ATP9A: variants seen among roughly 807,000 people sequenced by gnomAD.
ATP9A encodes probable phospholipid-transporting ATPase IIA.
ATP9A carries 52 observed loss-of-function variants against 144.1 expected under a neutral mutation model. The observed-to-expected ratio is 0.36, with a 90% confidence interval of 0.29 to 0.45. The LOEUF (loss-of-function observed/expected upper bound fraction) is 0.45, where lower values mean the gene tolerates loss of function less well. Ranked by LOEUF, ATP9A falls within the 20% of genes least tolerant of loss-of-function variation. The pLI is 1.00. For missense variants in ATP9A, 947 were observed against 1,392.7 expected (o/e 0.68, Z 5.09); for synonymous variants, 582 against 557.4 (o/e 1.04, Z -0.62).
intron 15 of ATP9A, among the ~76,000 whole-genome samples, chr20:51,638,105 A>C (rs1473547576): frequency 1.3e-5 from 1 of 76,794 alleles, no homozygotes; most frequent in African/African-American, 5.5e-5. Context: ...ATATATATAT[A>C]TATATATATA....
chr20:51,655,888 A>G lies in ATP9A; in HGVS notation c.1506+1050T>C, dbSNP rs1049219749. Among the ~76,000 whole-genome samples, 12 of 152,306 alleles carry G rather than the reference A, an allele frequency of 7.9e-5. 1 individual carries two copies. The East Asian group carries it at 2.3e-3, about 29-fold the overall frequency. ...AAAAAAAAAAATCCAAATGTGCATT[A>G]ATTGATGAATGGATAAATAAAATGT... On this transcript the variant is annotated intron_variant, in intron 14 of 27. Transcript: ENST00000338821.
chr20:51,705,837 A>G (rs1252786205), intron 4 of ATP9A, among the ~76,000 whole-genome samples: 1 of 152,202 alleles, frequency 6.6e-6, no homozygotes, highest in Non-Finnish European at 1.5e-5. Context: ...CTCTTGAGTA[A>G]CAAAACTAAG....
rs757692577 is a variant in ATP9A at position 51,728,172 on chromosome 20, G to A, written c.213+1662C>T. ...CCTCTTGAGCCACTCTGGTGACTTT[G>A]GTGGCCACATAGTCCAGGTGCCATA... On this transcript the variant is annotated intron_variant, in intron 2 of 27. Coordinates refer to ENST00000338821, the MANE Select transcript of ATP9A (RefSeq NM_006045.3). 2.0e-5 allele frequency among the ~76,000 whole-genome samples: 3 copies of A among 152,140 alleles called. No individual in the cohort carries two copies. In the South Asian group the frequency reaches 6.2e-4, roughly 32 times the overall value.
intron 4 of ATP9A, among the ~76,000 whole-genome samples, chr20:51,710,546 CTA>C (rs2077633693): frequency 1.3e-5 from 2 of 152,168 alleles, no homozygotes; most frequent in African/African-American, 4.8e-5. Flanking sequence ...TATCAAATAA[CTA>C]AACTCGCCTC....
Position 51,683,551 on chromosome 20 carries a change from G to A in ATP9A, c.799+5513C>T, listed in dbSNP as rs2077509738. On this transcript the variant is annotated intron_variant, in intron 9 of 27. Coordinates refer to ENST00000338821, the MANE Select transcript of ATP9A (RefSeq NM_006045.3). ...CCCGCCTCAGCCTCCCAAAGTGCTG[G>A]GATTATAGGCGTGAGCCACCTCACC... Among the ~76,000 whole-genome samples the A allele has an allele frequency of 2.6e-5, 4 of 152,078 alleles. No homozygotes were observed. In the South Asian group the frequency reaches 6.2e-4, roughly 24 times the overall value.
At chr20:51,641,652 T>TA (rs1220469222) in intron 14 of ATP9A, among the ~76,000 whole-genome samples, 1 of 149,916 alleles carries the variant, frequency 6.7e-6, no homozygotes, top group Non-Finnish European at 1.5e-5. Flanking sequence ...CCATCTCTAC[T>TA]AAAAAAATAA....
At chr20:51,639,907 G>A (rs2077311514) in intron 14 of ATP9A, among the ~76,000 whole-genome samples, 1 of 152,102 alleles carries the variant, frequency 6.6e-6, no homozygotes, top group Admixed American at 6.6e-5. Context: ...CCAATATGGT[G>A]AAACCCCGTC....
intron 13 of ATP9A, among the ~76,000 whole-genome samples, chr20:51,666,628 C>T (rs533626403): frequency 3.3e-5 from 5 of 150,140 alleles, no homozygotes; most frequent in South Asian, 2.1e-4. Context: ...TGCAGTGAGC[C>T]GAGATCGCAC....
At chr20:51,648,245 C>T (rs1279840220) in intron 14 of ATP9A, among the ~76,000 whole-genome samples, 2 of 152,196 alleles carry the variant, frequency 1.3e-5, no homozygotes, top group Non-Finnish European at 2.9e-5. Flanking sequence ...ACCAACCAAC[C>T]TCGTAGCCGC....
chr20:51,768,290 AG>A lies in ATP9A; in HGVS notation c.68+11del. ...CGCGGACAAAGGAAAACACGGGCCC[AG>A]GCCCACTCACCCGGCGCGGGGCCTG... On this transcript the variant is annotated intron_variant, in intron 1 of 27. Transcript: ENST00000338821. 1 of 1,279,644 alleles carries A rather than the reference AG, an allele frequency of 7.8e-7. No individual in the cohort carries two copies. The highest frequency in any genetic ancestry group is 1.0e-6 in the Non-Finnish European group (1 of 1,004,686). 79.3% of individuals were successfully genotyped at this position (1,279,644 alleles called of 1,614,324 possible). A position where few individuals can be genotyped will look rare whatever the true frequency, so the allele number is the denominator to read the frequency against.
intron 1 of ATP9A, among the ~76,000 whole-genome samples, chr20:51,732,777 C>G (rs890150520): frequency 3.0e-4 from 46 of 151,830 alleles, no homozygotes; most frequent in Non-Finnish European, 4.0e-4. Context: ...TCACTGAATA[C>G]ATTTTGAATG....
intron 1 of ATP9A, among the ~76,000 whole-genome samples, chr20:51,761,832 G>A (rs560385819): frequency 1.6e-4 from 24 of 152,162 alleles, no homozygotes; most frequent in African/African-American, 5.5e-4. Context: ...AGTTAGGTCC[G>A]AAGTCCAAAA....
At chr20:51,618,320 G>A (rs1044068302) in intron 21 of ATP9A, among the ~76,000 whole-genome samples, 10 of 152,024 alleles carry the variant, frequency 6.6e-5, no homozygotes, top group African/African-American at 2.4e-4. Flanking sequence ...AGGCTCAGAT[G>A]GGTGAAAGAA....
intron 8 of ATP9A, among the ~76,000 whole-genome samples, chr20:51,690,255 C>A (rs2077542247): frequency 6.6e-6 from 1 of 151,512 alleles, no homozygotes; most frequent in South Asian, 2.1e-4. Flanking sequence ...CCCGTCTCTA[C>A]TAAAAATACA....
In ATP9A at chr20:51,601,020, T is replaced by A; in HGVS notation, c.*191A>T. ...AGGGGTTCAGACAGGCCCAGATGGG[T>A]CTCTTTCAGGACCCTCCCTCCCGTT... On this transcript the variant is annotated 3_prime_UTR_variant, in exon 28 of 28. Transcript: ENST00000338821. 1 of 561,374 alleles carries A rather than the reference T, an allele frequency of 1.8e-6. No homozygotes were observed. Among genetic ancestry groups the A allele is most frequent in the Non-Finnish European group, 2.9e-6 (1 of 350,760 alleles). 34.8% of individuals were successfully genotyped at this position (561,374 alleles called of 1,614,324 possible). A position where few individuals can be genotyped will look rare whatever the true frequency, so the allele number is the denominator to read the frequency against.
intron 1 of ATP9A, among the ~76,000 whole-genome samples, chr20:51,748,908 T>TAGAC (rs2077819352): frequency 1.6e-4 from 17 of 109,200 alleles, no homozygotes; most frequent in African/African-American, 5.0e-4. Context: ...CTCTAAAGAT[T>TAGAC]AGATAGATAG....
intron 3 of ATP9A, 93 bp downstream of exon 3, chr20:51,725,726 C>T: frequency 1.2e-6 from 1 of 861,170 alleles, no homozygotes; most frequent in Middle Eastern, 2.3e-4. Flanking sequence ...TACAAGGCCA[C>T]CATCCCATTC....
At chr20:51,648,507 G>A (rs1446305019) in intron 14 of ATP9A, among the ~76,000 whole-genome samples, 1 of 152,184 alleles carries the variant, frequency 6.6e-6, no homozygotes, top group Non-Finnish European at 1.5e-5. Context: ...TGTGGTGTAC[G>A]TACGCAGAAG....
At chr20:51,653,008 A>G (rs1187822416) in intron 14 of ATP9A, among the ~76,000 whole-genome samples, 1 of 151,340 alleles carries the variant, frequency 6.6e-6, no homozygotes, top group Non-Finnish European at 1.5e-5. Context: ...TGCTGGGGAG[A>G]CTGAGGCAGA....
Sources: allele counts gnomAD v4.1 joint callset (sites outside exome capture counted in the v4.1 genomes callset), GRCh38; gene constraint gnomAD v4.1.1; transcripts MANE v1.5; gene names NCBI Gene and HGNC (gene_info 2026-07-23, HGNC 2026-07-21).